Variants in CCDC66 observed in about 807,000 individuals in gnomAD.
The protein encoded by CCDC66 is coiled-coil domain-containing protein 66.
In CCDC66, 133 loss-of-function variants were observed where a neutral mutation model predicts 128.3. That is an observed-to-expected ratio of 1.04 (90% CI 0.90 to 1.20). CCDC66 has a LOEUF of 1.20. Ranked by LOEUF, CCDC66 falls within the 50% of genes most tolerant of loss-of-function variation. The pLI is 0.00. For missense variants in CCDC66, 1,126 were observed against 1,075.5 expected, an observed-to-expected ratio of 1.05 and a Z score of -0.66; for synonymous variants, 387 against 357.0, an observed-to-expected ratio of 1.08 and a Z score of -0.95.
intron 7 of CCDC66, among the ~76,000 whole-genome samples, chr3:56,586,637 A>G (rs2106819960): frequency 6.6e-6 from 1 of 152,052 alleles, no homozygotes. Flanking sequence ...TAGTAATAGC[A>G]AGATAACAAG....
At position 56,563,739 on chromosome 3, in the gene CCDC66, T is replaced by C. The variant is rs1173996642; in HGVS notation, c.158T>C (p.Ile53Thr). Residue 53 changes from isoleucine to threonine, a missense_variant, in exon 4 of 18, where the codon ATT becomes ACT. Physicochemically the swap from Ile to Thr is moderately conservative, Grantham distance 89. Transcript: ENST00000394672. ...CCTTTAAGAACAAAAACTGGGCACATTCTAAAATCAACACAAGATACTTGT... is the reference window on the plus strand; with the variant it reads ...CCTTTAAGAACAAAAACTGGGCACACTCTAAAATCAACACAAGATACTTGT... ...KCPLRTKTGH[I>T]LKSTQDTCIG... The C allele has an allele frequency of 1.3e-6, 2 of 1,551,512 alleles. No individual in the cohort carries two copies. Among genetic ancestry groups the C allele is most frequent in the East Asian group, 4.9e-5 (2 of 40,874 alleles).
intron 7 of CCDC66, among the ~76,000 whole-genome samples, chr3:56,589,929 G>T (rs868676363): frequency 6.6e-6 from 1 of 152,056 alleles, no homozygotes; most frequent in South Asian, 2.1e-4. Flanking sequence ...AAACCTCTAT[G>T]GGCCCTCTGG....
intron 10 of CCDC66, among the ~76,000 whole-genome samples, chr3:56,610,340 C>T (rs969331744): frequency 1.1e-4 from 16 of 152,130 alleles, no homozygotes; most frequent in Non-Finnish European, 2.2e-4. Context: ...AAATTTCTTT[C>T]TTCTCCTTGT....
intron 10 of CCDC66, among the ~76,000 whole-genome samples, chr3:56,613,222 G>T (rs2075080545): frequency 6.6e-6 from 1 of 152,204 alleles, no homozygotes; most frequent in Non-Finnish European, 1.5e-5. Context: ...GTAACGCCCT[G>T]TTAGTCTTGA....
In CCDC66 at chr3:56,602,876, C is replaced by A. The variant is rs200011784; in HGVS notation, c.1404+8848C>A. Among the ~76,000 whole-genome samples, 82 of 149,750 alleles carry A rather than the reference C, an allele frequency of 5.5e-4. No homozygotes were observed. The East Asian group carries it at 0.014, about 25-fold the overall frequency. On this transcript the variant is annotated intron_variant, in intron 10 of 17. Coordinates refer to ENST00000394672, the MANE Select transcript of CCDC66 (RefSeq NM_001141947.3). ...TTGAGACAGAGTGTTGCTCTGTCACCCAGGCTGGAGTGCAGTGGCATGATC... is the reference window on the plus strand; with the variant it reads ...TTGAGACAGAGTGTTGCTCTGTCACACAGGCTGGAGTGCAGTGGCATGATC...
In CCDC66 at chr3:56,615,133, C is replaced by A; in HGVS notation, c.1572C>A (p.Ile524=). The A allele has an allele frequency of 6.2e-7, 1 of 1,613,178 alleles. No homozygotes were observed. The highest frequency in any genetic ancestry group is 1.1e-5 in the South Asian group (1 of 90,828). Residue 524 remains isoleucine, a synonymous_variant, in exon 12 of 18, where the codon ATC becomes ATA. Coordinates refer to ENST00000394672, the MANE Select transcript of CCDC66 (RefSeq NM_001141947.3). ...TAACACATCAATATTGACAGGAAAT[C>A]ATGACTCTCAAGACAAATGAGCTAT... is the stretch of plus-strand genomic sequence containing the variant. ...DILKQKQKEE[I]MTLKTNELFQ...
intron 6 of CCDC66, among the ~76,000 whole-genome samples, chr3:56,568,045 G>A (rs2066124513): frequency 6.6e-6 from 1 of 152,174 alleles, no homozygotes; most frequent in African/African-American, 2.4e-5. Flanking sequence ...TCAGAGAACA[G>A]ATGACAAATG....
intron 10 of CCDC66, among the ~76,000 whole-genome samples, chr3:56,605,600 G>C (rs916812904): frequency 2.0e-5 from 3 of 152,030 alleles, no homozygotes; most frequent in African/African-American, 4.8e-5. Flanking sequence ...ACCAGCAGAG[G>C]CTGCAGAACA....
Position 56,621,818 on chromosome 3 carries a change from TA to T in CCDC66, c.*219del, listed in dbSNP as rs11401064. On this transcript the variant is annotated 3_prime_UTR_variant, in exon 18 of 18. Coordinates refer to ENST00000394672, the MANE Select transcript of CCDC66 (RefSeq NM_001141947.3). ...TACTTCTTTTGTAAAAGCTTAGTAG[TA>T]AAAAAAAAAAAAAAAAAACCGGTTC... The T allele has an allele frequency of 0.011, 1,454 of 134,012 alleles. 3 individuals are homozygous for T. Among genetic ancestry groups the T allele is most frequent in the East Asian group, 0.017 (88 of 5,060 alleles). The allele number at this position is 134,012 out of a possible 1,614,324, so 8.3% of individuals were successfully genotyped here. A position where few individuals can be genotyped will look rare whatever the true frequency, so the allele number is the denominator to read the frequency against.
chr3:56,616,464 T>C (rs2075522389), intron 13 of CCDC66: 1 of 184,092 alleles, frequency 5.4e-6, no homozygotes, highest in Non-Finnish European at 1.1e-5. Context: ...TAGCATGTTT[T>C]AAGGTTCATC....
chr3:56,621,339 CAG>C, intron 17 of CCDC66, 191 bp from the exon 18 acceptor site: 1 of 389,344 alleles, frequency 2.6e-6, no homozygotes, highest in Non-Finnish European at 4.6e-6. Context: ...ATGCTAAAAA[CAG>C]AATCTTACAA....
intron 3 of CCDC66, 81 bp downstream of exon 3, chr3:56,559,675 G>A (rs1478592474): frequency 1.8e-6 from 2 of 1,100,418 alleles, no homozygotes; most frequent in Non-Finnish European, 2.6e-6. Context: ...ATAATTCCTG[G>A]GAAATGTCAA....
intron 3 of CCDC66, chr3:56,561,375 T>G (rs2065076772): frequency 2.4e-6 from 1 of 418,852 alleles, no homozygotes; most frequent in South Asian, 1.7e-5. Context: ...GTCTTGGATT[T>G]TTGGTAGGCC....
At chr3:56,570,164 T>G (rs1345163679) in intron 6 of CCDC66, 1 of 152,120 alleles carries the variant, frequency 6.6e-6, no homozygotes, top group Non-Finnish European at 1.5e-5. Context: ...AAAAATCAGT[T>G]TACTGTTTTT....
chr3:56,610,311 T>C (rs1397027567), intron 10 of CCDC66, among the ~76,000 whole-genome samples: 1 of 152,178 alleles, frequency 6.6e-6, no homozygotes, highest in African/African-American at 2.4e-5. Context: ...TAAAAGTGTG[T>C]CCACTTTCTT....
intron 3 of CCDC66, among the ~76,000 whole-genome samples, chr3:56,561,747 T>C (rs2065128249): frequency 6.6e-6 from 1 of 152,194 alleles, no homozygotes; most frequent in Non-Finnish European, 1.5e-5. Flanking sequence ...GTTTTTTAGT[T>C]TCCCAAATTT....
rs375942661 is a variant in CCDC66 at position 56,593,497 on chromosome 3, G to A, written c.1075G>A (p.Glu359Lys). The change falls in exon 9 of 18, where the codon GAA becomes AAA. Residue 359 changes from glutamate to lysine, a missense_variant. Physicochemically the swap from Glu to Lys is moderately conservative, Grantham distance 56. Coordinates refer to ENST00000394672, the MANE Select transcript of CCDC66 (RefSeq NM_001141947.3). ...EEKIIYSKGE[E>K]HDRWAMHFDS... is the part of the protein sequence containing the mutation. ...TCTTATTTGTCATCATTAGGGTGAGGAACATGACAGATGGGCAATGCACTT... is the reference window on the plus strand; with the variant it reads ...TCTTATTTGTCATCATTAGGGTGAGAAACATGACAGATGGGCAATGCACTT... 1 of 1,613,818 alleles carries A rather than the reference G, an allele frequency of 6.2e-7. No homozygotes were observed. The highest frequency in any genetic ancestry group is 1.3e-5 in the African/African-American group (1 of 74,908).
At chr3:56,596,542 T>TG (rs2071959509) in intron 10 of CCDC66, among the ~76,000 whole-genome samples, 1 of 151,976 alleles carries the variant, frequency 6.6e-6, no homozygotes, top group Non-Finnish European at 1.5e-5. Flanking sequence ...ATATTCAAAC[T>TG]GGGGGACAGA....
At chr3:56,583,128 A>G (rs1041708867) in intron 7 of CCDC66, among the ~76,000 whole-genome samples, 7 of 151,568 alleles carry the variant, frequency 4.6e-5, no homozygotes, top group African/African-American at 1.7e-4. Context: ...TTGCCTCCCA[A>G]AGGGCTGGGA....
Sources: gnomAD v4.1 joint callset for allele counts (sites outside exome capture counted in the v4.1 genomes callset) on GRCh38, gnomAD v4.1.1 for gene constraint, MANE v1.5 for transcripts, NCBI Gene and HGNC (gene_info 2026-07-23, HGNC 2026-07-21) for gene names.